Variants in GLIS3 observed in about 807,000 individuals in gnomAD.
The protein encoded by GLIS3 is GLIS family zinc finger 3, also known as zinc finger protein GLIS3.
A neutral mutation model predicts 78.6 loss-of-function variants in GLIS3; 53 were observed. The observed-to-expected ratio is 0.67, with a 90% CI of 0.54 to 0.85. GLIS3 has a LOEUF of 0.85. Ranked by LOEUF, GLIS3 falls within the 40% of genes least tolerant of loss-of-function variation. GLIS3 has a pLI of 0.00. For missense variants in GLIS3, 1,703 were observed against 1,231.1 expected, an observed-to-expected ratio of 1.38 and a Z score of -5.74; for synonymous variants, 684 against 509.9, an observed-to-expected ratio of 1.34 and a Z score of -4.60.
chr9:4,048,810 A>G (rs1019463446), intron 4 of GLIS3, among the ~76,000 whole-genome samples: 3 of 152,186 alleles, frequency 2.0e-5, no homozygotes, highest in African/African-American at 7.2e-5. Context: ...ATTCCTGCAC[A>G]AATATCTGAC....
At position 4,198,144 on chromosome 9, in the gene GLIS3, G is replaced by A. The variant is rs372410391; in HGVS notation, c.389-72203C>T. 5.3e-5 allele frequency among the ~76,000 whole-genome samples: 8 copies of A among 152,148 alleles called. No individual in the cohort carries two copies. In the East Asian group the frequency reaches 1.5e-3, roughly 29 times the overall value. ...AGAATAACACTAACTCTCCAGCAATGGCCCCTAACCAAAATGGAAATTCAG... is the reference window on the plus strand; with the variant it reads ...AGAATAACACTAACTCTCCAGCAATAGCCCCTAACCAAAATGGAAATTCAG... On this transcript the variant is annotated intron_variant, in intron 2 of 10. Transcript: ENST00000381971.
intron 2 of GLIS3, among the ~76,000 whole-genome samples, chr9:4,337,312 A>T (rs1817769489): frequency 1.3e-5 from 2 of 152,368 alleles, no homozygotes; most frequent in African/African-American, 2.4e-5. Context: ...AATAACATAA[A>T]TGTCTAACAA....
chr9:4,125,172 C>T (rs149739495), intron 3 of GLIS3, among the ~76,000 whole-genome samples: 12 of 152,292 alleles, frequency 7.9e-5, no homozygotes, highest in African/African-American at 2.9e-4. Flanking sequence ...TTTCCAGACA[C>T]ATCATAAAGT....
At chr9:3,852,841 T>C (rs1819520513) in intron 9 of GLIS3, among the ~76,000 whole-genome samples, 1 of 152,204 alleles carries the variant, frequency 6.6e-6, no homozygotes, top group South Asian at 2.1e-4. Flanking sequence ...TGCCTAACTA[T>C]ATTTTAAACT....
At chr9:3,995,595 G>A (rs1820680776) in intron 4 of GLIS3, among the ~76,000 whole-genome samples, 1 of 151,994 alleles carries the variant, frequency 6.6e-6, no homozygotes. Context: ...ACAAGAGGCT[G>A]TGAAAATTGA....
intron 4 of GLIS3, among the ~76,000 whole-genome samples, chr9:4,098,682 T>C (rs1184221702): frequency 2.0e-5 from 3 of 152,232 alleles, no homozygotes; most frequent in South Asian, 2.1e-4. Context: ...TTTGCCGTAA[T>C]ATCATACTTC....
intron 4 of GLIS3, among the ~76,000 whole-genome samples, chr9:4,059,114 C>T (rs7864487): frequency 0.65 from 98,463 of 151,892 alleles, 32,525 homozygotes; most frequent in East Asian, 0.95. Flanking sequence ...CAGCTTTAAT[C>T]AGATTCAAAT....
At chr9:4,225,157 AAAGTTGGT>A (rs1271216565) in intron 2 of GLIS3, among the ~76,000 whole-genome samples, 1 of 151,952 alleles carries the variant, frequency 6.6e-6, no homozygotes, top group Non-Finnish European at 1.5e-5. Context: ...CTATATATAC[AAAGTTGGT>A]AAGTTAATAA....
chr9:4,233,221 T>C (rs932096791), intron 2 of GLIS3, among the ~76,000 whole-genome samples: 8 of 152,200 alleles, frequency 5.3e-5, no homozygotes, highest in African/African-American at 1.4e-4. Flanking sequence ...TTGCTTCTCT[T>C]GTGATCATCT....
the GLIS3 span, among the ~76,000 whole-genome samples, chr9:4,383,260 G>C: frequency 1.3e-5 from 2 of 152,176 alleles, no homozygotes; most frequent in African/African-American, 4.8e-5. Flanking sequence ...GAATTTGCAA[G>C]CACAACCAAA....
intron 2 of GLIS3, among the ~76,000 whole-genome samples, chr9:4,324,024 C>G (rs1437060798): frequency 1.3e-5 from 2 of 152,130 alleles, no homozygotes; most frequent in African/African-American, 4.8e-5. Context: ...TTTTGGGACC[C>G]TTCACATCTG....
intron 2 of GLIS3, among the ~76,000 whole-genome samples, chr9:4,274,496 T>C (rs1260952108): frequency 6.6e-6 from 1 of 152,036 alleles, no homozygotes; most frequent in African/African-American, 2.4e-5. Context: ...ACCTTCCTCA[T>C]ACCCTCTTGC....
At chr9:4,299,387 G>C (rs560191313) in intron 1 of GLIS3, 34 bp downstream of exon 1, 1 of 152,408 alleles carries the variant, frequency 6.6e-6, no homozygotes, top group Non-Finnish European at 1.5e-5. Context: ...CTCGTCTCTC[G>C]CCTGCGAGCA....
At chr9:4,024,108 T>C (rs911012857) in intron 4 of GLIS3, among the ~76,000 whole-genome samples, 2 of 151,974 alleles carry the variant, frequency 1.3e-5, no homozygotes, top group Admixed American at 6.5e-5. Flanking sequence ...GCTTAGTCCA[T>C]GAAAGTTAAT....
intron 4 of GLIS3, among the ~76,000 whole-genome samples, chr9:4,029,657 C>T (rs1442744496): frequency 1.3e-5 from 2 of 151,814 alleles, no homozygotes; most frequent in Non-Finnish European, 2.9e-5. Context: ...TTTCCATGGG[C>T]TCAATTGTAT....
chr9:4,416,199 C>G, the GLIS3 span, among the ~76,000 whole-genome samples: 1 of 121,244 alleles, frequency 8.2e-6, no homozygotes, highest in Non-Finnish European at 1.6e-5. Context: ...CAGCAGTGAG[C>G]TGAGATTGAG....
At chr9:4,418,930 T>C in the GLIS3 span, among the ~76,000 whole-genome samples, 12 of 152,280 alleles carry the variant, frequency 7.9e-5, no homozygotes, top group East Asian at 2.3e-3. Flanking sequence ...ATGGTAGAAA[T>C]GTAGACTGTG....
chr9:4,142,185 T>G (rs58395164), intron 2 of GLIS3, among the ~76,000 whole-genome samples: 1 of 152,054 alleles, frequency 6.6e-6, no homozygotes, highest in Non-Finnish European at 1.5e-5. Context: ...AAATTAAGAG[T>G]TGTGCTTATG....
At position 3,929,530 on chromosome 9, in the gene GLIS3, G is replaced by A. The variant is rs964620143; in HGVS notation, c.1983+2830C>T. ...TATGGCTATGGGTGCCTTGTCACTG[G>A]CCCCGATTCCACAGTAGGACTCATA... On this transcript the variant is annotated intron_variant, in intron 6 of 10. Transcript: ENST00000381971. 2.0e-5 allele frequency among the ~76,000 whole-genome samples: 3 copies of A among 152,126 alleles called. No homozygotes were observed. In the South Asian group the frequency reaches 6.2e-4, roughly 32 times the overall value.
Sources: allele counts gnomAD v4.1 joint callset (sites outside exome capture counted in the v4.1 genomes callset), GRCh38; gene constraint gnomAD v4.1.1; transcripts MANE v1.5; gene names NCBI Gene and HGNC (gene_info 2026-07-23, HGNC 2026-07-21).